The following QSER1 variants were observed in gnomAD, a reference collection of about 807,000 sequenced individuals.
The protein encoded by QSER1 is glutamine and serine rich 1.
Under a neutral mutation model 158.5 loss-of-function variants are expected in QSER1, and 49 were observed. The ratio of observed to expected loss-of-function variants is 0.31; its 90% CI spans 0.25 to 0.39. QSER1 has a LOEUF of 0.39. Ranked by LOEUF, QSER1 falls within the 10% of genes least tolerant of loss-of-function variation. QSER1 has a pLI of 1.00. For synonymous variants in QSER1, 650 were observed against 715.5 expected, an observed-to-expected ratio of 0.91 and a Z score of 1.46; for missense variants, 1,754 against 2,010.3, an observed-to-expected ratio of 0.87 and a Z score of 2.44.
rs1252206146 is a variant in QSER1 at position 32,964,757 on chromosome 11, C to T, written c.4970-1543C>T. 1.7e-3 allele frequency among the ~76,000 whole-genome samples: 236 copies of T among 142,754 alleles called. 3 individuals are homozygous for T. Among genetic ancestry groups the T allele is most frequent in the East Asian group, 0.013 (65 of 4,958 alleles). 93.7% of individuals were successfully genotyped at this position (142,754 alleles called of 152,430 possible). A position where few individuals can be genotyped will look rare whatever the true frequency, so the allele number is the denominator to read the frequency against. ...ATATATATACACACACACACACACA[C>T]ACACACACACACACACACACACACA... On this transcript the variant is annotated intron_variant, in intron 8 of 12. Transcript: ENST00000650167.
Position 32,933,650 on chromosome 11 carries a change from A to G in QSER1, c.2392A>G (p.Ile798Val). 6.2e-7 allele frequency: 1 copy of G among 1,613,648 alleles called. No individual in the cohort carries two copies. Residue 798 changes from isoleucine to valine, a missense_variant, in exon 4 of 13, where the codon ATA (isoleucine) becomes GTA (valine). Ile to Val is a conservative substitution (Grantham distance 29). Transcript: ENST00000650167. ...NSTNLIQTPQ[I>V]RLNTKDLKQQ... ...AACTAATTTAATACAGACTCCACAAATAAGGTTGAATACTAAAGACTTAAA... is the reference window on the plus strand; with the variant it reads ...AACTAATTTAATACAGACTCCACAAGTAAGGTTGAATACTAAAGACTTAAA...
intron 9 of QSER1, among the ~76,000 whole-genome samples, chr11:32,968,388 AAAACT>A (rs771943687): frequency 1.9e-4 from 29 of 152,204 alleles, no homozygotes; most frequent in Non-Finnish European, 3.7e-4. Context: ...ATGCTACACC[AAAACT>A]AATTATATTC....
Position 32,934,792 on chromosome 11 carries a change from C to G in QSER1, c.3534C>G (p.Ala1178=), listed in dbSNP as rs1474147283. 5 of 1,613,792 alleles carry G rather than the reference C, an allele frequency of 3.1e-6. No homozygotes were observed. The highest frequency in any genetic ancestry group is 4.2e-6 in the Non-Finnish European group (5 of 1,179,982). Residue 1178 remains alanine (A), a synonymous_variant, in exon 4 of 13, where the codon GCC becomes GCG. Transcript: ENST00000650167. ...GTGCACTTGCACTGTTGGCCATGGC[C>G]CAATCTGGGGATGCAGTCAGTGTCA... ...ARSALALLAM[A]QSGDAVSVKI... is the part of the protein sequence containing the mutation.
At chr11:32,928,436 T>C (rs1852003732) in intron 3 of QSER1, among the ~76,000 whole-genome samples, 1 of 152,082 alleles carries the variant, frequency 6.6e-6, no homozygotes, top group Non-Finnish European at 1.5e-5. Flanking sequence ...GATTAAAATT[T>C]ATTTTAGTGA....
Position 32,932,602 on chromosome 11 carries a change from A to G in QSER1, c.1344A>G (p.Val448=), listed in dbSNP as rs552045404. ...AACCTTTACATAATCAGAGTTCTGTAATATCGGGCCAAGCACAAATTTATT... is the reference window on the plus strand; with the variant it reads ...AACCTTTACATAATCAGAGTTCTGTGATATCGGGCCAAGCACAAATTTATT... ...YSKPLHNQSS[V]ISGQAQIYST... is the part of the protein sequence containing the mutation. The change falls in exon 4 of 13, where the codon GTA becomes GTG. Residue 448 remains valine, a synonymous_variant. Coordinates refer to ENST00000650167, the MANE Select transcript of QSER1 (RefSeq NM_001076786.3). 13 of 1,614,144 alleles carry G rather than the reference A, an allele frequency of 8.1e-6. No individual in the cohort carries two copies. The South Asian group carries it at 1.3e-4, about 16-fold the overall frequency.
intron 10 of QSER1, among the ~76,000 whole-genome samples, chr11:32,972,407 TTATTTATTTA>T (rs1852880860): frequency 7.4e-5 from 2 of 27,058 alleles, no homozygotes; most frequent in African/African-American, 5.0e-4. Context: ...GGCCAGTGGC[TTATTTATTTA>T]TTTATTTATT....
rs1380544207 is a variant in QSER1, at chr11:32,976,462, G to GAAAT, written c.5584_5587dup (p.Cys1863Ter). 1 of 1,607,726 alleles carries GAAAT rather than the reference G, an allele frequency of 6.2e-7. No homozygotes were observed. Among genetic ancestry groups the GAAAT allele is most frequent in the Admixed American group, 1.7e-5 (1 of 58,748 alleles). On this transcript the variant is annotated frameshift_variant, in exon 13 of 13. Coordinates refer to ENST00000650167, the MANE Select transcript of QSER1 (RefSeq NM_001076786.3). LOFTEE classifies it high-confidence loss of function. ...GAGAACTTCTAAATCATGTACAGCA[G>GAAAT]AAATGTTCCTGACTTTTCCACAAAA...
In QSER1 at chr11:32,913,984, A is replaced by G. The variant is rs576422471; in HGVS notation, c.210-13173A>G. Among the ~76,000 whole-genome samples the G allele has an allele frequency of 2.0e-5, 3 of 152,332 alleles. No individual in the cohort carries two copies. In the South Asian group the frequency reaches 6.2e-4, roughly 32 times the overall value. On this transcript the variant is annotated intron_variant, in intron 1 of 12. Transcript: ENST00000650167. The stretch of plus-strand genomic sequence containing the variant: ...CAAATTCATGATAAATAATTTCTTA[A>G]TAAGAGCTGATTATTCTTAGGCTAC...
chr11:32,947,473 G>A (rs1467725574), intron 4 of QSER1, among the ~76,000 whole-genome samples: 2 of 152,032 alleles, frequency 1.3e-5, no homozygotes, highest in African/African-American at 4.8e-5. Context: ...TTAAGAAAAT[G>A]TTTATATGTG....
chr11:32,894,465 T>C (rs1401851154), intron 1 of QSER1, among the ~76,000 whole-genome samples: 1 of 152,346 alleles, frequency 6.6e-6, no homozygotes, highest in East Asian at 1.9e-4. Flanking sequence ...CGTGGCTTTA[T>C]GATCTCATCA....
chr11:32,895,801 T>C (rs1374856386), intron 1 of QSER1, among the ~76,000 whole-genome samples: 1 of 152,224 alleles, frequency 6.6e-6, no homozygotes, highest in African/African-American at 2.4e-5. Flanking sequence ...ATCATTTTCA[T>C]CAGTTGATGG....
At chr11:32,969,226 A>G (rs899713440) in intron 10 of QSER1, 83 bp downstream of exon 10, 4 of 854,996 alleles carry the variant, frequency 4.7e-6, no homozygotes, top group Non-Finnish European at 7.4e-6. Flanking sequence ...TATGAAAATT[A>G]TTCACTTACA....
At chr11:32,940,481 A>C (rs1306299885) in intron 4 of QSER1, among the ~76,000 whole-genome samples, 1 of 152,104 alleles carries the variant, frequency 6.6e-6, no homozygotes, top group Non-Finnish European at 1.5e-5. Context: ...TCTTAATCTG[A>C]CTCACTTTTG....
rs1853019432 is a variant in QSER1, at chr11:32,978,767, C to T, written c.*2293C>T. The T allele has an allele frequency of 6.6e-6, 1 of 152,078 alleles. No homozygotes were observed. Among genetic ancestry groups the T allele is most frequent in the African/African-American group, 2.4e-5 (1 of 41,412 alleles). The allele number at this position is 152,078 out of a possible 1,614,324, so 9.4% of individuals were successfully genotyped here. On this transcript the variant is annotated 3_prime_UTR_variant, in exon 13 of 13. Transcript: ENST00000650167. ...CTATTGTGTAGATGCATCATCTTCT[C>T]TCATTTGATCCATAGAGCATAGGCA...
intron 1 of QSER1, chr11:32,926,650 G>T (rs1274466431): frequency 6.6e-6 from 1 of 152,160 alleles, no homozygotes; most frequent in Non-Finnish European, 1.5e-5. Flanking sequence ...GTTTGAGCTT[G>T]AAGTTTTCTC....
Position 32,893,480 on chromosome 11 carries a change from T to G in QSER1, c.209+146T>G, listed in dbSNP as rs1851512462. On this transcript the variant is annotated intron_variant, in intron 1 of 12. Coordinates refer to ENST00000650167, the MANE Select transcript of QSER1 (RefSeq NM_001076786.3). This position sits in a 1 kb window ranked among gnomAD's most constrained non-coding sequence, Gnocchi z 4.7. ...CCTCGGCCAGCTCGGGGGAGGCGGC[T>G]GATGACTCCTACGGGGTGGTCGCGG... 1 of 152,236 alleles carries G rather than the reference T, an allele frequency of 6.6e-6. No individual in the cohort carries two copies. Among genetic ancestry groups the G allele is most frequent in the African/African-American group, 2.4e-5 (1 of 41,430 alleles). The allele number at this position is 152,236 out of a possible 1,614,324, so 9.4% of individuals were successfully genotyped here. A position where few individuals can be genotyped will look rare whatever the true frequency, so the allele number is the denominator to read the frequency against.
At chr11:32,922,479 A>ATTTTTT (rs57185302) in intron 1 of QSER1, among the ~76,000 whole-genome samples, 1 of 97,152 alleles carries the variant, frequency 1.0e-5, no homozygotes, top group African/African-American at 3.8e-5. Flanking sequence ...AGAATGGCTA[A>ATTTTTT]TTTTTTTTTT....
Position 32,933,802 on chromosome 11 carries a change from T to A in QSER1, c.2544T>A (p.Ser848=), listed in dbSNP as rs776183494. The stretch of plus-strand genomic sequence containing the variant: ...CTTTAGGGCATGGCCATCAGGCATC[T>A]CTTCCTAATACACAGGTCCTTTTAG... The part of the protein sequence containing the change: ...NHALGHGHQA[S]LPNTQVLLDS... The change falls in exon 4 of 13, where the codon TCT becomes TCA. Residue 848 remains serine (S), a synonymous_variant. Coordinates refer to ENST00000650167, the MANE Select transcript of QSER1 (RefSeq NM_001076786.3). 2.5e-6 allele frequency: 4 copies of A among 1,613,872 alleles called. No homozygotes were observed. In the East Asian group the frequency reaches 8.9e-5, roughly 36 times the overall value.
intron 4 of QSER1, among the ~76,000 whole-genome samples, chr11:32,949,510 TGA>T (rs1289703319): frequency 6.6e-6 from 1 of 152,230 alleles, no homozygotes; most frequent in African/African-American, 2.4e-5. Context: ...AACAGAAGCA[TGA>T]GTTTTACATT....
Sources: allele counts gnomAD v4.1 joint callset (sites outside exome capture counted in the v4.1 genomes callset), GRCh38; gene constraint gnomAD v4.1.1; non-coding constraint Gnocchi (gnomAD v3.1); transcripts MANE v1.5; gene names NCBI Gene and HGNC (gene_info 2026-07-23, HGNC 2026-07-21).